DIAPH3: variants seen among roughly 807,000 people sequenced by gnomAD.
The protein encoded by DIAPH3 is diaphanous related formin 3, also known as protein diaphanous homolog 3.
In DIAPH3, 117 loss-of-function variants were observed where a neutral mutation model predicts 144.3. That is an observed-to-expected ratio of 0.81 (90% CI 0.70 to 0.95). The LOEUF is 0.95. DIAPH3 is among the 40% of genes least tolerant of loss of function. The pLI, the probability that DIAPH3 is intolerant of heterozygous loss-of-function variation, is 0.00. For synonymous variants in DIAPH3, 519 were observed against 488.9 expected (o/e 1.06, Z -0.81); for missense variants, 1,421 against 1,412.7 (o/e 1.01, Z -0.09).
At chr13:59,975,438 T>C (rs1222753075) in intron 14 of DIAPH3, among the ~76,000 whole-genome samples, 1 of 151,988 alleles carries the variant, frequency 6.6e-6, no homozygotes, top group Non-Finnish European at 1.5e-5. Context: ...AAAAGCCAGA[T>C]TCCCCGCCTT....
At position 59,884,781 on chromosome 13, in the gene DIAPH3, C is replaced by CAA. The variant is rs34055848; in HGVS notation, c.2368-5315_2368-5314dup. On this transcript the variant is annotated intron_variant, in intron 20 of 27. Coordinates refer to ENST00000400324, the MANE Select transcript of DIAPH3 (RefSeq NM_001042517.2). ...GTTCATTTCACTTGGAGAAAGGCTT[C>CAA]AAAAAAAAAAAAAAAGCTATTCAAG... is the stretch of plus-strand genomic sequence containing the variant. Among the ~76,000 whole-genome samples the CAA allele has an allele frequency of 7.8e-3, 1,069 of 136,360 alleles. 6 individuals carry two copies. The highest frequency in any genetic ancestry group is 0.015 in the African/African-American group (556 of 36,764). 89.5% of individuals were successfully genotyped at this position (136,360 alleles called of 152,430 possible).
At chr13:59,901,493 C>G (rs1262422437) in intron 20 of DIAPH3, among the ~76,000 whole-genome samples, 1 of 152,210 alleles carries the variant, frequency 6.6e-6, no homozygotes. Flanking sequence ...ACAAATTGCA[C>G]ACACAAACAC....
At chr13:59,862,828 C>G (rs1322437073) in intron 21 of DIAPH3, among the ~76,000 whole-genome samples, 1 of 151,958 alleles carries the variant, frequency 6.6e-6, no homozygotes. Flanking sequence ...ATACTGTATG[C>G]ATATCTGTGT....
At chr13:59,833,354 C>G in intron 23 of DIAPH3, 83 bp from the exon 24 acceptor site, 2 of 1,037,940 alleles carry the variant, frequency 1.9e-6, no homozygotes, top group Non-Finnish European at 2.8e-6. Flanking sequence ...ATGTTTTAGT[C>G]TAATAGCCAC....
At chr13:59,667,961 T>C (rs17718875) in intron 27 of DIAPH3, among the ~76,000 whole-genome samples, 9,964 of 152,308 alleles carry the variant, frequency 0.065, 483 homozygotes, top group Non-Finnish European at 0.098. Context: ...TACTGCACTG[T>C]CATTTTCTGA....
chr13:59,764,027 G>A (rs2037750184), intron 27 of DIAPH3, among the ~76,000 whole-genome samples: 1 of 151,692 alleles, frequency 6.6e-6, no homozygotes. Context: ...CATCTGCTTG[G>A]AGCATAAACT....
At chr13:60,042,135 A>G (rs1165501504) in intron 5 of DIAPH3, among the ~76,000 whole-genome samples, 2 of 152,168 alleles carry the variant, frequency 1.3e-5, no homozygotes, top group African/African-American at 4.8e-5. Context: ...TGACTTATGG[A>G]AACACCTATG....
At chr13:59,744,485 G>A (rs2036611460) in intron 27 of DIAPH3, among the ~76,000 whole-genome samples, 1 of 151,474 alleles carries the variant, frequency 6.6e-6, no homozygotes, top group Non-Finnish European at 1.5e-5. Flanking sequence ...ACACAAATTT[G>A]TAAACTTTCT....
Position 59,861,408 on chromosome 13 carries a change from T to C in DIAPH3, c.2736A>G (p.Lys912=), listed in dbSNP as rs777144558. 2.5e-6 allele frequency: 4 copies of C among 1,613,766 alleles called. No individual in the cohort carries two copies. The Admixed American group carries it at 6.7e-5, about 27-fold the overall frequency. ...AATGTTTCTTAAAAAGGCACAAACC[T>C]TTACTAGCTTTGTCTAAAGGTTCCA... The part of the protein sequence containing the change: ...DDLEPLDKAS[K]VSVETLEKNL... Residue 912 remains lysine (K), a splice_region_variant and synonymous_variant, in exon 22 of 28, where the codon AAA becomes AAG. Coordinates refer to ENST00000400324, the MANE Select transcript of DIAPH3 (RefSeq NM_001042517.2).
rs528402361 is a variant in DIAPH3 at position 59,697,365 on chromosome 13, C to A, written c.3320-30519G>T. The stretch of plus-strand genomic sequence containing the variant: ...GTGCCAGCTGCTCAGGAGGCTGAGG[C>A]AAGGGAATGGCGTGAACTCGGGAGG... On this transcript the variant is annotated intron_variant, in intron 27 of 27. Coordinates refer to ENST00000400324, the MANE Select transcript of DIAPH3 (RefSeq NM_001042517.2). Among the ~76,000 whole-genome samples, 30 of 140,600 alleles carry A rather than the reference C, an allele frequency of 2.1e-4. 1 individual carries two copies. In the Admixed American group the frequency reaches 2.3e-3, roughly 11 times the overall value. 92.2% of individuals were successfully genotyped at this position (140,600 alleles called of 152,430 possible).
At chr13:59,753,104 A>G (rs956433428) in intron 27 of DIAPH3, among the ~76,000 whole-genome samples, 20 of 152,220 alleles carry the variant, frequency 1.3e-4, no homozygotes, top group African/African-American at 4.8e-4. Flanking sequence ...CTGTATTTTT[A>G]GCTCTGAGGC....
intron 20 of DIAPH3, among the ~76,000 whole-genome samples, chr13:59,889,029 T>G (rs920656265): frequency 4.6e-5 from 7 of 152,060 alleles, no homozygotes; most frequent in African/African-American, 1.7e-4. Flanking sequence ...CAAGATACTT[T>G]TATCATTTTC....
At chr13:59,791,166 C>T (rs949623296) in intron 25 of DIAPH3, among the ~76,000 whole-genome samples, 1 of 152,092 alleles carries the variant, frequency 6.6e-6, no homozygotes, top group Non-Finnish European at 1.5e-5. Flanking sequence ...GACAGGATCT[C>T]ACTATATTGC....
chr13:60,163,478 T>C, intron 1 of DIAPH3, 109 bp downstream of exon 1: 4 of 1,459,700 alleles, frequency 2.7e-6, no homozygotes, highest in Middle Eastern at 2.3e-4. Flanking sequence ...TTGGCACCTC[T>C]GGATCTCTAG....
intron 7 of DIAPH3, among the ~76,000 whole-genome samples, chr13:60,011,403 C>T (rs896469449): frequency 2.6e-5 from 4 of 152,156 alleles, no homozygotes; most frequent in African/African-American, 9.7e-5. Flanking sequence ...CACAGATCAA[C>T]ACTGTCCAAG....
At chr13:59,958,522 G>C (rs899828179) in intron 17 of DIAPH3, among the ~76,000 whole-genome samples, 2 of 152,130 alleles carry the variant, frequency 1.3e-5, no homozygotes, top group East Asian at 1.9e-4. Context: ...ATAGTAGTGA[G>C]AGTCACAAAA....
intron 5 of DIAPH3, among the ~76,000 whole-genome samples, chr13:60,019,031 AT>A (rs2053839051): frequency 6.6e-6 from 1 of 152,054 alleles, no homozygotes. Context: ...CACCCCTACT[AT>A]TTTCAGCAAT....
intron 9 of DIAPH3, among the ~76,000 whole-genome samples, chr13:60,007,556 T>G (rs1207745304): frequency 6.6e-6 from 1 of 152,200 alleles, no homozygotes; most frequent in Admixed American, 6.5e-5. Context: ...TTTGAAACTT[T>G]GCTGCACGTT....
intron 27 of DIAPH3, among the ~76,000 whole-genome samples, chr13:59,753,305 T>C (rs2037104852): frequency 6.6e-6 from 1 of 152,254 alleles, no homozygotes; most frequent in Non-Finnish European, 1.5e-5. Flanking sequence ...GATATTTATG[T>C]AATTCTAATT....
Sources: gnomAD v4.1 joint callset for allele counts (sites outside exome capture counted in the v4.1 genomes callset) on GRCh38, gnomAD v4.1.1 for gene constraint, MANE v1.5 for transcripts, NCBI Gene and HGNC (gene_info 2026-07-23, HGNC 2026-07-21) for gene names.